DPP10: variants seen among roughly 807,000 people sequenced by gnomAD.
DPP10 encodes the protein inactive dipeptidyl peptidase 10.
DPP10 carries 33 observed loss-of-function variants against 120.9 expected under a neutral mutation model. The observed-to-expected ratio is 0.27, with a 90% confidence interval of 0.21 to 0.37. The LOEUF is 0.37. Ranked by LOEUF, DPP10 falls within the 10% of genes least tolerant of loss-of-function variation. The pLI is 1.00. For missense variants in DPP10, 816 were observed against 942.8 expected, an observed-to-expected ratio of 0.87 and a Z score of 1.76; for synonymous variants, 337 against 326.1, an observed-to-expected ratio of 1.03 and a Z score of -0.36.
chr2:115,181,733 G>A (rs2054091190), intron 1 of DPP10, among the ~76,000 whole-genome samples: 1 of 152,118 alleles, frequency 6.6e-6, no homozygotes, highest in Admixed American at 6.5e-5. Flanking sequence ...TGAATTTCTT[G>A]TTTCCATAAG....
intron 1 of DPP10, among the ~76,000 whole-genome samples, chr2:114,888,885 T>A (rs1424543119): frequency 6.6e-6 from 1 of 152,184 alleles, no homozygotes; most frequent in Non-Finnish European, 1.5e-5. Flanking sequence ...TCATAGCCCT[T>A]GTCATGGACT....
chr2:115,436,961 A>C lies in DPP10; in HGVS notation c.272-62549A>C, dbSNP rs182015389. Among the ~76,000 whole-genome samples, 301 of 152,094 alleles carry C rather than the reference A, an allele frequency of 2.0e-3. 4 individuals carry two copies. The South Asian group carries it at 0.029, about 15-fold the overall frequency. On this transcript the variant is annotated intron_variant, in intron 3 of 25. Transcript: ENST00000410059. ...GGTCTAACAGTATGTAAGATACTGCAATTTCACAAAGTATAAGATACAATA... is the reference window on the plus strand; with the variant it reads ...GGTCTAACAGTATGTAAGATACTGCCATTTCACAAAGTATAAGATACAATA...
In DPP10 at chr2:115,733,982, T is replaced by C. The variant is rs149241219; in HGVS notation, c.698-5757T>C. 1.2e-3 allele frequency among the ~76,000 whole-genome samples: 190 copies of C among 152,332 alleles called. 3 individuals are homozygous for C. The East Asian group carries it at 0.031, about 24-fold the overall frequency. ...ATCCATGAGTAAATGTGCCCATTAG[T>C]TGCAGTTAAAGAAGCTTGTGCCTTA... is the stretch of plus-strand genomic sequence containing the variant. On this transcript the variant is annotated intron_variant, in intron 8 of 25. Coordinates refer to ENST00000410059, the MANE Select transcript of DPP10 (RefSeq NM_020868.6).
intron 1 of DPP10, among the ~76,000 whole-genome samples, chr2:114,523,001 A>G (rs935086458): frequency 1.3e-5 from 2 of 152,218 alleles, no homozygotes; most frequent in Non-Finnish European, 2.9e-5. Context: ...TTGAGTAGGC[A>G]CATGCAGCCA....
intron 1 of DPP10, chr2:115,066,925 C>T (rs1370030265): frequency 6.6e-6 from 1 of 152,136 alleles, no homozygotes; most frequent in African/African-American, 2.4e-5. Context: ...GTGGTGAGAA[C>T]ATTTAAGAAT....
intron 1 of DPP10, among the ~76,000 whole-genome samples, chr2:114,822,149 T>G (rs1173838951): frequency 2.0e-5 from 3 of 152,180 alleles, no homozygotes; most frequent in Non-Finnish European, 4.4e-5. Flanking sequence ...TGCAGCAGAC[T>G]TTGCCCCTGA....
At chr2:114,500,869 T>C (rs1327611048) in intron 1 of DPP10, among the ~76,000 whole-genome samples, 1 of 152,110 alleles carries the variant, frequency 6.6e-6, no homozygotes, top group East Asian at 1.9e-4. Flanking sequence ...GTGCGTGGGG[T>C]TCTCCATGGG....
At chr2:115,373,135 T>C (rs1225998685) in intron 3 of DPP10, among the ~76,000 whole-genome samples, 7 of 152,118 alleles carry the variant, frequency 4.6e-5, no homozygotes, top group African/African-American at 1.4e-4. Context: ...TAGCTGAACA[T>C]AGTAGGAAAA....
At chr2:114,981,612 T>C (rs1254602180) in intron 1 of DPP10, among the ~76,000 whole-genome samples, 2 of 152,008 alleles carry the variant, frequency 1.3e-5, no homozygotes, top group Admixed American at 1.3e-4. Context: ...ACCGGGTCTC[T>C]CTCTGTTATC....
chr2:115,275,806 TCTC>T (rs1363069085), intron 1 of DPP10, among the ~76,000 whole-genome samples: 1 of 151,208 alleles, frequency 6.6e-6, no homozygotes, highest in Non-Finnish European at 1.5e-5. Context: ...TTCACACCAT[TCTC>T]CTGCCTCAGC....
intron 3 of DPP10, among the ~76,000 whole-genome samples, chr2:115,464,187 G>A (rs1180604937): frequency 6.6e-6 from 1 of 152,158 alleles, no homozygotes; most frequent in Non-Finnish European, 1.5e-5. Context: ...TTAGTGAAGG[G>A]TGATGTGATA....
chr2:114,665,703 C>G (rs1260415801), intron 1 of DPP10, among the ~76,000 whole-genome samples: 1 of 151,896 alleles, frequency 6.6e-6, no homozygotes, highest in Non-Finnish European at 1.5e-5. Flanking sequence ...AATATAAGCC[C>G]TACAATTCCA....
At chr2:114,950,073 A>G (rs560916341) in intron 1 of DPP10, among the ~76,000 whole-genome samples, 1 of 152,272 alleles carries the variant, frequency 6.6e-6, no homozygotes, top group African/African-American at 2.4e-5. Context: ...TCATATAGCT[A>G]TATGCCAATT....
rs1481691333 is a variant in DPP10 at position 115,379,372 on chromosome 2, T to A, written c.271+35460T>A. ...TTTGTAGTATTCTCTGATGGTAGTT[T>A]GTATTTCTGTGGGATCGGTGGTGAT... On this transcript the variant is annotated intron_variant, in intron 3 of 25. Transcript: ENST00000410059. Among the ~76,000 whole-genome samples, 24 of 152,334 alleles carry A rather than the reference T, an allele frequency of 1.6e-4. No individual in the cohort carries two copies. In the Middle Eastern group the frequency reaches 0.01, roughly 65 times the overall value.
intron 1 of DPP10, among the ~76,000 whole-genome samples, chr2:115,220,314 G>T (rs1353994197): frequency 6.6e-6 from 1 of 152,140 alleles, no homozygotes; most frequent in Non-Finnish European, 1.5e-5. Context: ...ATGAGTCAGT[G>T]TGAAACAGTG....
rs1440963634 is a variant in DPP10 at position 115,275,756 on chromosome 2, G to A, written c.61-33483G>A. ...GCTCTGTCGCCCAGGCTGGGGCGCA[G>A]TGGCCTGATCTCGGCTCACTGCAAG... is the stretch of plus-strand genomic sequence containing the variant. On this transcript the variant is annotated intron_variant, in intron 1 of 25. Coordinates refer to ENST00000410059, the MANE Select transcript of DPP10 (RefSeq NM_020868.6). Among the ~76,000 whole-genome samples, 6 of 146,030 alleles carry A rather than the reference G, an allele frequency of 4.1e-5. No individual in the cohort carries two copies. The East Asian group carries it at 1.2e-3, about 30-fold the overall frequency.
chr2:115,542,989 G>A (rs181631362), intron 5 of DPP10, among the ~76,000 whole-genome samples: 129 of 151,946 alleles, frequency 8.5e-4, no homozygotes, highest in African/African-American at 2.9e-3. Flanking sequence ...ACGAAATGTT[G>A]TGTCAGTGTT....
chr2:115,379,207 T>C (rs1671106948), intron 3 of DPP10, among the ~76,000 whole-genome samples: 2 of 152,350 alleles, frequency 1.3e-5, no homozygotes, highest in African/African-American at 4.8e-5. Flanking sequence ...AGGTAAGCTA[T>C]TGATTATTGC....
chr2:114,980,781 G>T (rs1226357102), intron 1 of DPP10, among the ~76,000 whole-genome samples: 1 of 151,970 alleles, frequency 6.6e-6, no homozygotes, highest in East Asian at 1.9e-4. Context: ...ATGAGCCACT[G>T]CACCCCACCT....
Sources: allele counts gnomAD v4.1 joint callset (sites outside exome capture counted in the v4.1 genomes callset), GRCh38; gene constraint gnomAD v4.1.1; transcripts MANE v1.5; gene names NCBI Gene and HGNC (gene_info 2026-07-23, HGNC 2026-07-21).